NELL1: variants seen among roughly 807,000 people sequenced by gnomAD.
The protein encoded by NELL1 is protein kinase C-binding protein NELL1.
NELL1 carries 76 observed loss-of-function variants against 107.4 expected under a neutral mutation model. The observed-to-expected ratio is 0.71, with a 90% CI of 0.59 to 0.86. The LOEUF (loss-of-function observed/expected upper bound fraction) is 0.86, where lower values mean the gene tolerates loss of function less well. Ranked by LOEUF, NELL1 falls within the 40% of genes least tolerant of loss-of-function variation. NELL1 has a pLI of 0.00. For missense variants in NELL1, 1,024 were observed against 1,005.5 expected, an observed-to-expected ratio of 1.02 and a Z score of -0.25; for synonymous variants, 353 against 341.2, an observed-to-expected ratio of 1.03 and a Z score of -0.38.
At chr11:21,517,369 A>G (rs1855592896) in intron 15 of NELL1, among the ~76,000 whole-genome samples, 1 of 152,196 alleles carries the variant, frequency 6.6e-6, no homozygotes, top group African/African-American at 2.4e-5. Context: ...GACGGTGAAT[A>G]AACCTTCGAC....
At chr11:21,138,044 G>T (rs10833465) in intron 13 of NELL1, among the ~76,000 whole-genome samples, 63,804 of 151,952 alleles carry the variant, frequency 0.42, 13,763 homozygotes, top group African/African-American at 0.51. Flanking sequence ...CACTTTGTTT[G>T]GCAAAGGTGT....
In NELL1 at chr11:20,768,909, T is replaced by G. The variant is rs555093485; in HGVS notation, c.185-14771T>G. ...GTAATATAATAAAATTGTGTTGCCTTAAGCCTCTAGGGTTGCAGTAATTTG... is the reference window on the plus strand; with the variant it reads ...GTAATATAATAAAATTGTGTTGCCTGAAGCCTCTAGGGTTGCAGTAATTTG... On this transcript the variant is annotated intron_variant, in intron 2 of 19. Transcript: ENST00000357134. Among the ~76,000 whole-genome samples, 59 of 152,298 alleles carry G rather than the reference T, an allele frequency of 3.9e-4. No homozygotes were observed. In the South Asian group the frequency reaches 0.012, roughly 31 times the overall value.
intron 13 of NELL1, among the ~76,000 whole-genome samples, chr11:21,179,385 A>C (rs2133821845): frequency 6.6e-6 from 1 of 151,964 alleles, no homozygotes; most frequent in East Asian, 1.9e-4. Context: ...AAATCATCTC[A>C]AAACTCAATG....
chr11:21,126,805 A>G (rs118085230), intron 13 of NELL1, among the ~76,000 whole-genome samples: 1 of 152,366 alleles, frequency 6.6e-6, no homozygotes, highest in Non-Finnish European at 1.5e-5. Context: ...CTAGAATCAG[A>G]TGCTTTAGGC....
chr11:20,675,163 A>G (rs1279193287), intron 1 of NELL1, among the ~76,000 whole-genome samples: 1 of 152,166 alleles, frequency 6.6e-6, no homozygotes, highest in East Asian at 1.9e-4. Flanking sequence ...AAGCATATTC[A>G]AGTCGCTGCC....
chr11:21,426,884 G>T (rs1404349155), intron 15 of NELL1, among the ~76,000 whole-genome samples: 3 of 152,150 alleles, frequency 2.0e-5, no homozygotes, highest in Non-Finnish European at 4.4e-5. Context: ...TCCATCTGGA[G>T]CACTGGCATG....
chr11:21,322,018 T>C (rs534721502), intron 14 of NELL1, among the ~76,000 whole-genome samples: 10 of 152,324 alleles, frequency 6.6e-5, no homozygotes, highest in African/African-American at 1.9e-4. Context: ...AATAAATAGA[T>C]GAATTCCAAA....
intron 12 of NELL1, among the ~76,000 whole-genome samples, chr11:21,052,400 C>T (rs1231102536): frequency 3.3e-5 from 5 of 151,896 alleles, no homozygotes; most frequent in Admixed American, 6.6e-5. Flanking sequence ...TAGGAGGCTC[C>T]TAGAAAAATC....
chr11:21,396,787 A>T (rs1851991853), intron 15 of NELL1, among the ~76,000 whole-genome samples: 1 of 151,552 alleles, frequency 6.6e-6, no homozygotes, highest in South Asian at 2.1e-4. Context: ...TTAAGGAATG[A>T]TTTAGACATA....
chr11:21,167,905 T>C (rs574478418), intron 13 of NELL1, among the ~76,000 whole-genome samples: 1 of 151,950 alleles, frequency 6.6e-6, no homozygotes, highest in South Asian at 2.1e-4. Context: ...CAAATATGCC[T>C]CCATGCACCC....
chr11:21,573,134 A>G (rs780854988), intron 18 of NELL1, 51 bp from the exon 19 acceptor site: 1 of 1,406,720 alleles, frequency 7.1e-7, no homozygotes, highest in Non-Finnish European at 1.0e-6. Context: ...CTTTGGGAAT[A>G]AAATTATGCA....
chr11:20,916,291 G>A (rs1399545653), intron 5 of NELL1, among the ~76,000 whole-genome samples: 1 of 151,854 alleles, frequency 6.6e-6, no homozygotes, highest in African/African-American at 2.4e-5. Flanking sequence ...GGAAAGACAG[G>A]GAAGTAAGGA....
chr11:21,480,145 A>C (rs1854455998), intron 15 of NELL1, among the ~76,000 whole-genome samples: 1 of 152,146 alleles, frequency 6.6e-6, no homozygotes, highest in Admixed American at 6.6e-5. Context: ...ACATCATAGG[A>C]GACTTTGGAA....
Position 20,669,645 on chromosome 11 carries a change from C to A in NELL1, c.-79C>A, listed in dbSNP as rs1853843323. On this transcript the variant is annotated 5_prime_UTR_variant, in exon 1 of 20. Coordinates refer to ENST00000357134, the MANE Select transcript of NELL1 (RefSeq NM_006157.5). This position sits in a 1 kb window ranked among gnomAD's most constrained non-coding sequence, Gnocchi z 4.4. ...GCTAGCAAGTTTGGCGGCTCCAAGC[C>A]AGGCGCGCCTCAGGATCCAGGCTCA... 7.7e-7 allele frequency: 1 copy of A among 1,303,820 alleles called. No individual in the cohort carries two copies. The highest frequency in any genetic ancestry group is 1.5e-5 in the African/African-American group (1 of 68,022). 80.8% of individuals were successfully genotyped at this position (1,303,820 alleles called of 1,614,324 possible). A position where few individuals can be genotyped will look rare whatever the true frequency, so the allele number is the denominator to read the frequency against.
intron 14 of NELL1, among the ~76,000 whole-genome samples, chr11:21,264,065 C>T (rs1371801897): frequency 3.1e-5 from 1 of 31,872 alleles, no homozygotes; most frequent in Non-Finnish European, 8.3e-5. Flanking sequence ...TGAAAGTCTA[C>T]AATGGGGTGT....
chr11:21,340,374 G>A (rs977039632), intron 14 of NELL1, among the ~76,000 whole-genome samples: 3 of 152,000 alleles, frequency 2.0e-5, no homozygotes, highest in Non-Finnish European at 4.4e-5. Flanking sequence ...AGATGGTCTC[G>A]ATCTCCTGAC....
intron 12 of NELL1, among the ~76,000 whole-genome samples, chr11:21,100,987 C>A (rs1854793002): frequency 7.0e-6 from 1 of 143,794 alleles, no homozygotes; most frequent in Non-Finnish European, 1.5e-5. Context: ...TATCCCTCCC[C>A]ACTCCCCCAA....
At chr11:21,164,965 A>G (rs1476112879) in intron 13 of NELL1, among the ~76,000 whole-genome samples, 1 of 152,052 alleles carries the variant, frequency 6.6e-6, no homozygotes, top group Non-Finnish European at 1.5e-5. Context: ...TCTCACTGAC[A>G]TTCCTTCTCA....
intron 12 of NELL1, among the ~76,000 whole-genome samples, chr11:20,964,359 G>T (rs911192922): frequency 2.0e-5 from 3 of 152,122 alleles, no homozygotes; most frequent in Non-Finnish European, 2.9e-5. Context: ...GAAGCATAAA[G>T]AACAATGTAA....
Sources: allele counts gnomAD v4.1 joint callset (sites outside exome capture counted in the v4.1 genomes callset), GRCh38; gene constraint gnomAD v4.1.1; non-coding constraint Gnocchi (gnomAD v3.1); transcripts MANE v1.5; gene names NCBI Gene and HGNC (gene_info 2026-07-23, HGNC 2026-07-21).